Variants in PRR14L observed in about 807,000 individuals in gnomAD.
PRR14L encodes protein PRR14L.
PRR14L carries 80 observed loss-of-function variants against 155.0 expected under a neutral mutation model. That is an observed-to-expected ratio of 0.52 (90% confidence interval 0.43 to 0.62). PRR14L has a LOEUF of 0.62. PRR14L is among the 20% of genes least tolerant of loss of function. The pLI is 0.00. For synonymous variants in PRR14L, 883 were observed against 916.0 expected, an observed-to-expected ratio of 0.96 and a Z score of 0.65; for missense variants, 2,469 against 2,548.0, an observed-to-expected ratio of 0.97 and a Z score of 0.67.
rs1229250667 is a variant in PRR14L at position 31,713,435 on chromosome 22, C to A, written c.4404G>T (p.Lys1468Asn). The A allele has an allele frequency of 6.4e-7, 1 of 1,551,792 alleles. No homozygotes were observed. Among genetic ancestry groups the A allele is most frequent in the South Asian group, 1.2e-5 (1 of 84,046 alleles). Residue 1468 changes from lysine to asparagine, a missense_variant, in exon 4 of 9, where the codon AAG (lysine) becomes AAT (asparagine). Physicochemically the swap from Lys to Asn is moderately conservative, Grantham distance 94 (BLOSUM62 0). Transcript: ENST00000327423. Reference protein sequence around the residue: ...VAQTQKLEDQKEERLHHPLRK... With the variant: ...VAQTQKLEDQNEERLHHPLRK... The stretch of plus-strand genomic sequence containing the variant: ...TTAATGGATGATGTAACCTTTCCTC[C>A]TTCTGGTCTTCTAACTTCTGAGTCT...
chr22:31,697,301 CAAAA>C (rs35748258), intron 7 of PRR14L, among the ~76,000 whole-genome samples: 3 of 58,594 alleles, frequency 5.1e-5, no homozygotes, highest in Admixed American at 1.8e-4. Flanking sequence ...TACTCTGTCT[CAAAA>C]AAAAAAAAAA....
chr22:31,700,676 C>T (rs1312690437), intron 7 of PRR14L, among the ~76,000 whole-genome samples: 1 of 152,046 alleles, frequency 6.6e-6, no homozygotes, highest in Non-Finnish European at 1.5e-5. Flanking sequence ...CCTGCCTCAG[C>T]CTACCAAGTA....
intron 4 of PRR14L, among the ~76,000 whole-genome samples, chr22:31,707,871 C>T (rs1012993571): frequency 2.1e-4 from 32 of 152,060 alleles, no homozygotes; most frequent in African/African-American, 6.5e-4. Context: ...CTCTAAAGGC[C>T]GGGCGCGGTG....
chr22:31,737,842 G>A (rs774461316), intron 2 of PRR14L, among the ~76,000 whole-genome samples: 14 of 151,832 alleles, frequency 9.2e-5, no homozygotes, highest in East Asian at 5.8e-4. Context: ...ACGAAACCCC[G>A]TCTCTACTAA....
chr22:31,728,192 G>GT (rs2074728169), intron 2 of PRR14L, among the ~76,000 whole-genome samples: 1 of 152,040 alleles, frequency 6.6e-6, no homozygotes, highest in Non-Finnish European at 1.5e-5. Context: ...GATAACCTCT[G>GT]TAACGTCCCC....
intron 6 of PRR14L, among the ~76,000 whole-genome samples, chr22:31,702,472 C>T (rs529939997): frequency 4.6e-5 from 7 of 152,088 alleles, no homozygotes; most frequent in Non-Finnish European, 8.8e-5. Flanking sequence ...CCGCCCACCT[C>T]GGCCACCCAA....
chr22:31,737,208 C>G (rs9621326), intron 2 of PRR14L, among the ~76,000 whole-genome samples: 10,241 of 151,230 alleles, frequency 0.068, 437 homozygotes, highest in South Asian at 0.18. Context: ...CAGCAGGGTA[C>G]GGTGGCTCAC....
intron 4 of PRR14L, among the ~76,000 whole-genome samples, chr22:31,710,291 C>A (rs1238414356): frequency 1.3e-5 from 2 of 152,130 alleles, no homozygotes; most frequent in Non-Finnish European, 2.9e-5. Flanking sequence ...TAGAGACACA[C>A]AATGAACAAG....
chr22:31,733,605 G>A (rs1268723414), intron 2 of PRR14L, among the ~76,000 whole-genome samples: 15 of 152,048 alleles, frequency 9.9e-5, no homozygotes, highest in Admixed American at 9.8e-4. Context: ...ATCTTTTAAG[G>A]CAGGTTTCCT....
Position 31,712,248 on chromosome 22 carries a change from C to T in PRR14L, c.5591G>A (p.Arg1864Gln), listed in dbSNP as rs143043548. 4.3e-4 allele frequency: 700 copies of T among 1,614,112 alleles called. 1 individual carries two copies. The highest frequency in any genetic ancestry group is 5.3e-4 in the Non-Finnish European group (630 of 1,180,014). The change falls in exon 4 of 9, where the codon CGG (arginine) becomes CAG (glutamine). Residue 1864 changes from arginine (R) to glutamine (Q), a missense_variant. Physicochemically the swap from Arg to Gln is conservative, Grantham distance 43. Transcript: ENST00000327423. ...TQFTQGLKGL[R>Q]SPASIADKVF... ...CTTGTCTGCTATGGAGGCTGGAGAC[C>T]GTAACCCTTTCAGGCCCTGTGTAAA...
chr22:31,743,133 T>C (rs1366596355), intron 1 of PRR14L, among the ~76,000 whole-genome samples: 1 of 152,046 alleles, frequency 6.6e-6, no homozygotes, highest in African/African-American at 2.4e-5. Context: ...ACACCCCGTC[T>C]CTACTAAAAA....
At chr22:31,708,419 TG>T (rs1382723251) in intron 4 of PRR14L, among the ~76,000 whole-genome samples, 1 of 151,770 alleles carries the variant, frequency 6.6e-6, no homozygotes, top group Non-Finnish European at 1.5e-5. Flanking sequence ...CTCTGCCTCC[TG>T]GGTTCAAGCA....
At chr22:31,742,639 T>A (rs1009856422) in intron 1 of PRR14L, among the ~76,000 whole-genome samples, 3 of 152,102 alleles carry the variant, frequency 2.0e-5, no homozygotes, top group African/African-American at 7.2e-5. Flanking sequence ...AGTGCTGGGA[T>A]TAAGGGTGTG....
intron 4 of PRR14L, among the ~76,000 whole-genome samples, chr22:31,706,548 C>A (rs983369065): frequency 6.6e-6 from 1 of 151,668 alleles, no homozygotes; most frequent in Non-Finnish European, 1.5e-5. Flanking sequence ...CCTCAGCCTC[C>A]GAGTAGCTGG....
chr22:31,704,633 A>T (rs751814756), intron 5 of PRR14L, 22 bp downstream of exon 5: 4 of 1,605,676 alleles, frequency 2.5e-6, no homozygotes, highest in Non-Finnish European at 2.6e-6. Flanking sequence ...GCGCACACAC[A>T]CGCTGAGTCT....
intron 2 of PRR14L, among the ~76,000 whole-genome samples, chr22:31,734,885 C>G (rs1265846407): frequency 2.6e-5 from 4 of 152,198 alleles, no homozygotes; most frequent in African/African-American, 9.7e-5. Flanking sequence ...GTCCAGATAA[C>G]ACATTTCCCT....
rs1252418398 is a variant in PRR14L, at chr22:31,712,547, A to G, written c.5292T>C (p.Phe1764=). The G allele has an allele frequency of 6.4e-7, 1 of 1,551,724 alleles. No individual in the cohort carries two copies. Among genetic ancestry groups the G allele is most frequent in the African/African-American group, 1.4e-5 (1 of 73,144 alleles). Residue 1764 remains phenylalanine, a synonymous_variant, in exon 4 of 9, where the codon TTT becomes TTC. Coordinates refer to ENST00000327423, the MANE Select transcript of PRR14L (RefSeq NM_173566.3). The stretch of plus-strand genomic sequence containing the variant: ...GGCAACCGTGGGACAAGAAGAAAGA[A>G]AAGGTCCACTTGGGAGGTTGAGACG... The part of the protein sequence containing the change: ...QCPSQPPKWT[F]SFFLSHGCPG...
At position 31,703,561 on chromosome 22, in the gene PRR14L, C is replaced by G. The variant is rs1569497787; in HGVS notation, c.5989G>C (p.Glu1997Gln). ...ACPCPQSSPP[E>Q]QKEAEPEKRP... ...CACTTTACACTTACCTCTTTCTGTT[C>G]TGGGGGGCTGCTCTGTGGGCAGGGG... Residue 1997 changes from glutamate (E) to glutamine (Q), a missense_variant, in exon 6 of 9, where the codon GAA (glutamate) becomes CAA (glutamine). Physicochemically the swap from Glu to Gln is conservative, Grantham distance 29. Transcript: ENST00000327423. 1 of 1,613,028 alleles carries G rather than the reference C, an allele frequency of 6.2e-7. No individual in the cohort carries two copies. Among genetic ancestry groups the G allele is most frequent in the East Asian group, 2.2e-5 (1 of 44,726 alleles).
At chr22:31,700,414 A>C (rs1197320485) in intron 7 of PRR14L, among the ~76,000 whole-genome samples, 1 of 152,254 alleles carries the variant, frequency 6.6e-6, no homozygotes, top group Non-Finnish European at 1.5e-5. Flanking sequence ...AAGAAACATA[A>C]GACAAAAATA....
Sources: allele counts gnomAD v4.1 joint callset (sites outside exome capture counted in the v4.1 genomes callset), GRCh38; gene constraint gnomAD v4.1.1; transcripts MANE v1.5; gene names NCBI Gene and HGNC (gene_info 2026-07-23, HGNC 2026-07-21).